Variants in RBFOX1 observed in about 807,000 individuals in gnomAD.
RBFOX1 encodes RNA binding fox-1 homolog 1.
RBFOX1 carries 8 observed loss-of-function variants against 57.7 expected under a neutral mutation model. The ratio of observed to expected loss-of-function variants is 0.14; its 90% confidence interval spans 0.08 to 0.25. The LOEUF (loss-of-function observed/expected upper bound fraction) is 0.25, where lower values mean the gene tolerates loss of function less well. Among genes scored for constraint, RBFOX1 ranks in the 10% least tolerant of loss-of-function variants. The pLI is 1.00. For synonymous variants in RBFOX1, 326 were observed against 222.4 expected (o/e 1.47, Z -4.15); for missense variants, 611 against 548.5 (o/e 1.11, Z -1.14).
At chr16:5,861,261 C>T (rs181933468) in intron 3 of RBFOX1, among the ~76,000 whole-genome samples, 14 of 152,280 alleles carry the variant, frequency 9.2e-5, no homozygotes, top group South Asian at 6.2e-4. Flanking sequence ...CTTTGATACA[C>T]GGTTGGCTAC....
intron 5 of RBFOX1, among the ~76,000 whole-genome samples, chr16:7,567,459 C>T (rs1347736171): frequency 9.6e-6 from 1 of 103,916 alleles, no homozygotes; most frequent in Admixed American, 1.0e-4. Flanking sequence ...CTATGTATGG[C>T]CCTATATATA....
chr16:7,270,964 G>C (rs8046049), intron 4 of RBFOX1, among the ~76,000 whole-genome samples: 55,244 of 151,982 alleles, frequency 0.36, 11,168 homozygotes, highest in African/African-American at 0.53. Context: ...TGGGTGCTGA[G>C]TCATTTGGAA....
intron 2 of RBFOX1, among the ~76,000 whole-genome samples, chr16:6,579,541 C>T (rs1045871747): frequency 5.3e-5 from 8 of 152,104 alleles, no homozygotes; most frequent in South Asian, 4.1e-4. Flanking sequence ...GGTTTTGTAA[C>T]GGGCTTTTCC....
chr16:7,319,195 G>T (rs1195361983), intron 4 of RBFOX1, among the ~76,000 whole-genome samples: 2 of 152,134 alleles, frequency 1.3e-5, no homozygotes, highest in African/African-American at 4.8e-5. Flanking sequence ...AGGAAGTGAG[G>T]TCTGTGCCGT....
intron 2 of RBFOX1, among the ~76,000 whole-genome samples, chr16:6,641,690 G>A (rs1407993359): frequency 7.9e-6 from 1 of 127,306 alleles, no homozygotes; most frequent in Non-Finnish European, 1.7e-5. Context: ...AGCTGAGATG[G>A]CACCACCGCA....
At chr16:5,412,992 C>G (rs117207491) in intron 1 of RBFOX1, among the ~76,000 whole-genome samples, 2 of 152,176 alleles carry the variant, frequency 1.3e-5, no homozygotes, top group Non-Finnish European at 2.9e-5. Context: ...TGGAGCTGGC[C>G]GTGCCTTCCT....
rs139051367 is a variant in RBFOX1 at position 7,005,608 on chromosome 16, G to A, written c.-15-46449G>A. ...TAGTGATGGCTTGGTGTTGGTAGGA[G>A]GTGGCTTGACACTCACAGATAGACT... On this transcript the variant is annotated intron_variant, in intron 3 of 15. Coordinates refer to ENST00000550418, the MANE Select transcript of RBFOX1 (RefSeq NM_018723.4). Among the ~76,000 whole-genome samples, 1,034 of 152,264 alleles carry A rather than the reference G, an allele frequency of 6.8e-3. 14 individuals are homozygous for A. Among genetic ancestry groups the A allele is most frequent in the African/African-American group, 0.023 (975 of 41,558 alleles).
rs781011420 is a variant in RBFOX1 at position 7,712,697 on chromosome 16, A to G, written c.*1952A>G. On this transcript the variant is annotated 3_prime_UTR_variant, in exon 16 of 16. Transcript: ENST00000550418. ...ATTCTCATTCCCCCACCTGGAAAAC[A>G]GTGTTATGGCAATGGGTGCCTGGTT... 1 of 152,202 alleles carries G rather than the reference A, an allele frequency of 6.6e-6. No individual in the cohort carries two copies. 9.4% of individuals were successfully genotyped at this position (152,202 alleles called of 1,614,324 possible).
intron 3 of RBFOX1, among the ~76,000 whole-genome samples, chr16:6,777,707 G>A (rs182963348): frequency 6.6e-6 from 1 of 152,238 alleles, no homozygotes; most frequent in Non-Finnish European, 1.5e-5. Context: ...TATGCATTCT[G>A]ATGGAGCTTG....
At chr16:6,945,841 A>C (rs1158641784) in intron 3 of RBFOX1, among the ~76,000 whole-genome samples, 33 of 152,206 alleles carry the variant, frequency 2.2e-4, no homozygotes, top group Admixed American at 2.2e-3. Flanking sequence ...CAGTGTGCTG[A>C]GATCAAATCA....
At chr16:7,391,107 T>C (rs2098007350) in intron 4 of RBFOX1, among the ~76,000 whole-genome samples, 1 of 152,156 alleles carries the variant, frequency 6.6e-6, no homozygotes, top group African/African-American at 2.4e-5. Flanking sequence ...ACTGACCTTT[T>C]GCACTGAATA....
chr16:5,676,706 C>T (rs895410211), intron 3 of RBFOX1, among the ~76,000 whole-genome samples: 1 of 152,100 alleles, frequency 6.6e-6, no homozygotes, highest in Non-Finnish European at 1.5e-5. Context: ...ACTAAAAATA[C>T]AAAAAACTAG....
At chr16:6,656,923 C>A (rs12935637) in intron 3 of RBFOX1, among the ~76,000 whole-genome samples, 5,335 of 131,518 alleles carry the variant, frequency 0.041, 27 homozygotes, top group Non-Finnish European at 0.067. Flanking sequence ...CTCCCCTCTC[C>A]TCTCCTCCCC....
At chr16:6,492,722 G>A (rs989096438) in intron 2 of RBFOX1, among the ~76,000 whole-genome samples, 3 of 152,184 alleles carry the variant, frequency 2.0e-5, no homozygotes, top group Non-Finnish European at 2.9e-5. Flanking sequence ...TGGAGCGGAG[G>A]AAATACCTAA....
intron 2 of RBFOX1, among the ~76,000 whole-genome samples, chr16:6,512,717 G>A (rs2096279524): frequency 6.6e-6 from 1 of 152,168 alleles, no homozygotes; most frequent in Non-Finnish European, 1.5e-5. Flanking sequence ...GTGTTTTGGA[G>A]ACCGTGACGT....
intron 3 of RBFOX1, among the ~76,000 whole-genome samples, chr16:5,651,910 A>C (rs1033241669): frequency 1.3e-5 from 2 of 152,172 alleles, no homozygotes; most frequent in Non-Finnish European, 1.5e-5. Flanking sequence ...AGGCAGGAGG[A>C]TCGCTTGAGG....
At chr16:5,317,621 A>G (rs2064278645) in intron 1 of RBFOX1, among the ~76,000 whole-genome samples, 2 of 152,014 alleles carry the variant, frequency 1.3e-5, no homozygotes, top group Non-Finnish European at 2.9e-5. Flanking sequence ...AGTGAAAAAC[A>G]AAAAAAAGCG....
chr16:5,861,680 G>C (rs993199862), intron 3 of RBFOX1, among the ~76,000 whole-genome samples: 9 of 152,176 alleles, frequency 5.9e-5, no homozygotes, highest in African/African-American at 2.2e-4. Flanking sequence ...GACGGTGCCA[G>C]CATTTGGACA....
At chr16:5,955,235 T>C (rs9935099) in intron 4 of RBFOX1, among the ~76,000 whole-genome samples, 111,704 of 138,696 alleles carry the variant, frequency 0.81, 45,259 homozygotes, top group African/African-American at 0.86. Flanking sequence ...GAGCCAAGAT[T>C]ATGCCATTGC....
Sources: allele counts gnomAD v4.1 joint callset (sites outside exome capture counted in the v4.1 genomes callset), GRCh38; gene constraint gnomAD v4.1.1; transcripts MANE v1.5; gene names NCBI Gene and HGNC (gene_info 2026-07-23, HGNC 2026-07-21).